SH3GL3: variants seen among roughly 807,000 people sequenced by gnomAD.
SH3GL3 encodes the protein SH3 domain containing GRB2 like 3, endophilin A3.
A neutral mutation model predicts 47.7 loss-of-function variants in SH3GL3; 33 were observed. That is an observed-to-expected ratio of 0.69 (90% CI 0.52 to 0.92). The LOEUF (loss-of-function observed/expected upper bound fraction) is 0.92. Among genes scored for constraint, SH3GL3 ranks in the 40% least tolerant of loss-of-function variants. The probability of loss-of-function intolerance (pLI) is 0.00; values close to 1 mark genes in which losing one functional copy is unlikely to be tolerated. For missense variants in SH3GL3, 363 were observed against 417.8 expected, an observed-to-expected ratio of 0.87 and a Z score of 1.14; for synonymous variants, 155 against 148.8, an observed-to-expected ratio of 1.04 and a Z score of -0.30.
At chr15:83,610,956 C>A (rs2060644367) in intron 8 of SH3GL3, among the ~76,000 whole-genome samples, 1 of 150,762 alleles carries the variant, frequency 6.6e-6, no homozygotes, top group Non-Finnish European at 1.5e-5. Flanking sequence ...TAACCCTTTG[C>A]AGCAGCAGGG....
At chr15:83,568,710 TC>T in intron 4 of SH3GL3, 38 bp downstream of exon 4, 1 of 1,551,730 alleles carries the variant, frequency 6.4e-7, no homozygotes, top group Non-Finnish European at 8.9e-7. Context: ...AGCTGAGAAC[TC>T]CTCCAGTATG....
intron 1 of SH3GL3, among the ~76,000 whole-genome samples, chr15:83,501,904 GA>G (rs1025808243): frequency 3.3e-5 from 5 of 151,468 alleles, no homozygotes; most frequent in African/African-American, 7.3e-5. Flanking sequence ...AAAAAGAAAA[GA>G]AAAAAAAGAC....
chr15:83,626,499 C>T, the SH3GL3 span, among the ~76,000 whole-genome samples: 2 of 152,106 alleles, frequency 1.3e-5, no homozygotes, highest in South Asian at 2.1e-4. Flanking sequence ...TACAGAAGCC[C>T]CTTTGCCTAG....
chr15:83,491,877 T>C (rs1426242419), intron 1 of SH3GL3, among the ~76,000 whole-genome samples: 1 of 152,126 alleles, frequency 6.6e-6, no homozygotes, highest in Non-Finnish European at 1.5e-5. Flanking sequence ...CGGGCAAACC[T>C]TTAGTTGTTA....
chr15:83,626,414 T>TG, the SH3GL3 span, among the ~76,000 whole-genome samples: 1 of 152,222 alleles, frequency 6.6e-6, no homozygotes, highest in Non-Finnish European at 1.5e-5. Context: ...GATTCTGCTC[T>TG]GTGGGTCAAG....
chr15:83,482,296 T>C (rs947715642), intron 1 of SH3GL3, among the ~76,000 whole-genome samples: 1 of 152,220 alleles, frequency 6.6e-6, no homozygotes, highest in East Asian at 1.9e-4. Context: ...GCAAGCTTTT[T>C]TGTGTATTGT....
intron 1 of SH3GL3, among the ~76,000 whole-genome samples, chr15:83,506,668 C>G (rs565740437): frequency 2.6e-5 from 4 of 152,142 alleles, no homozygotes; most frequent in Non-Finnish European, 5.9e-5. Context: ...TGTGGCATGT[C>G]TTGCCATTTA....
chr15:83,462,301 T>C (rs1355285007), intron 1 of SH3GL3, among the ~76,000 whole-genome samples: 3 of 152,218 alleles, frequency 2.0e-5, no homozygotes, highest in Non-Finnish European at 2.9e-5. Context: ...TTACCCCTTG[T>C]AATGCCTCCC....
chr15:83,463,871 C>A (rs1048773772), intron 1 of SH3GL3, among the ~76,000 whole-genome samples: 1 of 150,068 alleles, frequency 6.7e-6, no homozygotes, highest in African/African-American at 2.5e-5. Context: ...CGGGTTCAAG[C>A]GATTCTCCAG....
chr15:83,572,810 T>A, intron 5 of SH3GL3, 112 bp downstream of exon 5: 1 of 765,932 alleles, frequency 1.3e-6, no homozygotes, highest in Non-Finnish European at 2.0e-6. Context: ...TGCTTGTGGG[T>A]AGGGTAAAAA....
chr15:83,470,979 A>T (rs1302146190), intron 1 of SH3GL3, among the ~76,000 whole-genome samples: 1 of 152,218 alleles, frequency 6.6e-6, no homozygotes, highest in African/African-American at 2.4e-5. Context: ...ATATACATTT[A>T]GAAACACATT....
Position 83,482,952 on chromosome 15 carries a change from C to CA in SH3GL3, c.45+35375dup, listed in dbSNP as rs140793694. Among the ~76,000 whole-genome samples the CA allele has an allele frequency of 2.7e-3, 406 of 152,206 alleles. 5 individuals carry two copies. The highest frequency in any genetic ancestry group is 9.5e-3 in the African/African-American group (394 of 41,540). On this transcript the variant is annotated intron_variant, in intron 1 of 8. Coordinates refer to ENST00000427482, the MANE Select transcript of SH3GL3 (RefSeq NM_003027.5). ...TCTTGATCTCAATTTGTCCTTCTTC[C>CA]AGGGGGCAATGCCATCAAGAATCCA...
At chr15:83,577,162 G>T (rs1189416402) in intron 6 of SH3GL3, among the ~76,000 whole-genome samples, 1 of 151,902 alleles carries the variant, frequency 6.6e-6, no homozygotes, top group African/African-American at 2.4e-5. Context: ...GCCTGCCTGG[G>T]CCTCTCAAAG....
chr15:83,559,346 T>G (rs1395927720), intron 2 of SH3GL3, 25 bp downstream of exon 2: 12 of 1,267,764 alleles, frequency 9.5e-6, no homozygotes, highest in Non-Finnish European at 1.4e-5. Flanking sequence ...ATATGTAAAT[T>G]GATTAGAAAC....
At chr15:83,571,686 A>T (rs2045823485) in intron 4 of SH3GL3, among the ~76,000 whole-genome samples, 1 of 152,116 alleles carries the variant, frequency 6.6e-6, no homozygotes, top group Admixed American at 6.5e-5. Context: ...GGTCAGACTT[A>T]GGCTGGGCTT....
chr15:83,590,871 C>A (rs1242153102), intron 8 of SH3GL3, among the ~76,000 whole-genome samples: 1 of 152,142 alleles, frequency 6.6e-6, no homozygotes, highest in Admixed American at 6.5e-5. Flanking sequence ...TGTAGCTTAT[C>A]TTTTAATCCT....
At chr15:83,554,075 G>C (rs1224154871) in intron 1 of SH3GL3, among the ~76,000 whole-genome samples, 2 of 146,394 alleles carry the variant, frequency 1.4e-5, no homozygotes, top group East Asian at 4.0e-4. Flanking sequence ...GCTGGAGTGC[G>C]GTGGTGTGAT....
chr15:83,559,334 T>C lies in SH3GL3; in HGVS notation c.114+13T>C, dbSNP rs373940676. Reference sequence around the variant, plus strand: ...TGACATGGAAAGGGTAAGAGCATTTTAATATGTAAATTGATTAGAAACTGA... The same window carrying C: ...TGACATGGAAAGGGTAAGAGCATTTCAATATGTAAATTGATTAGAAACTGA... On this transcript the variant is annotated intron_variant, in intron 2 of 8. Coordinates refer to ENST00000427482, the MANE Select transcript of SH3GL3 (RefSeq NM_003027.5). 2.6e-5 allele frequency: 37 copies of C among 1,429,712 alleles called. No homozygotes were observed. The highest frequency in any genetic ancestry group is 3.7e-5 in the Non-Finnish European group (37 of 1,012,212). 88.6% of individuals were successfully genotyped at this position (1,429,712 alleles called of 1,614,324 possible).
At position 83,492,818 on chromosome 15, in the gene SH3GL3, A is replaced by C. The variant is rs570574624; in HGVS notation, c.45+45240A>C. Among the ~76,000 whole-genome samples, 63 of 152,318 alleles carry C rather than the reference A, an allele frequency of 4.1e-4. 1 individual carries two copies. The highest frequency in any genetic ancestry group is 2.6e-4 in the Admixed American group (4 of 15,298). Reference sequence around the variant, plus strand: ...GCTTCATTTGCCCCCAGCAGTAACGAACCCTTTGTTGGTGGTCCTCCCACT... The same window carrying C: ...GCTTCATTTGCCCCCAGCAGTAACGCACCCTTTGTTGGTGGTCCTCCCACT... On this transcript the variant is annotated intron_variant, in intron 1 of 8. Transcript: ENST00000427482.
Sources: gnomAD v4.1 joint callset for allele counts (sites outside exome capture counted in the v4.1 genomes callset) on GRCh38, gnomAD v4.1.1 for gene constraint, MANE v1.5 for transcripts, NCBI Gene and HGNC (gene_info 2026-07-23, HGNC 2026-07-21) for gene names.